NSMCE2: variants seen among roughly 807,000 people sequenced by gnomAD.
NSMCE2 encodes the protein NSE2 SUMO ligase component of SMC5/6 complex.
In NSMCE2, 24 loss-of-function variants were observed where a neutral mutation model predicts 23.8. The observed-to-expected ratio is 1.01, with a 90% CI of 0.73 to 1.42. The LOEUF (loss-of-function observed/expected upper bound fraction) is 1.42. Among genes scored for constraint, NSMCE2 ranks in the 40% most tolerant of loss-of-function variants. The pLI is 0.00. For missense variants in NSMCE2, 284 were observed against 296.5 expected, an observed-to-expected ratio of 0.96 and a Z score of 0.31; for synonymous variants, 92 against 94.1, an observed-to-expected ratio of 0.98 and a Z score of 0.13.
intron 5 of NSMCE2, among the ~76,000 whole-genome samples, chr8:125,257,942 A>G (rs1253950907): frequency 6.6e-6 from 1 of 152,190 alleles, no homozygotes; most frequent in Non-Finnish European, 1.5e-5. Flanking sequence ...GGAGCATGAG[A>G]GGGTGGTGGT....
intron 1 of NSMCE2, among the ~76,000 whole-genome samples, chr8:125,097,803 A>G (rs546077531): frequency 2.6e-5 from 4 of 152,296 alleles, no homozygotes; most frequent in African/African-American, 9.6e-5. Context: ...TATGAAATGT[A>G]TGATTTAAGT....
intron 5 of NSMCE2, among the ~76,000 whole-genome samples, chr8:125,221,028 T>C (rs1030508542): frequency 6.6e-6 from 1 of 152,202 alleles, no homozygotes; most frequent in African/African-American, 2.4e-5. Flanking sequence ...AGAGCTAGAA[T>C]ATAGGATACC....
In NSMCE2 at chr8:125,153,340, A is replaced by G. The variant is rs148318463; in HGVS notation, c.264+2063A>G. 7.0e-3 allele frequency among the ~76,000 whole-genome samples: 1,061 copies of G among 152,290 alleles called. 12 individuals carry two copies. Among genetic ancestry groups the G allele is most frequent in the Middle Eastern group, 0.017 (5 of 292 alleles). ...CTGTTCTTTTATAGGAAGAAAAAAC[A>G]TAGTTATTTTTCTTTTATGATACAA... On this transcript the variant is annotated intron_variant, in intron 4 of 7. Transcript: ENST00000287437.
chr8:125,094,487 C>T (rs771504931), intron 1 of NSMCE2: 7 of 152,252 alleles, frequency 4.6e-5, no homozygotes, highest in Non-Finnish European at 7.4e-5. Context: ...AGAGCATGAT[C>T]GTGTTTTCCT....
At chr8:125,262,838 T>C (rs1441144351) in intron 5 of NSMCE2, among the ~76,000 whole-genome samples, 1 of 152,214 alleles carries the variant, frequency 6.6e-6, no homozygotes, top group African/African-American at 2.4e-5. Flanking sequence ...ATGGTGGTTT[T>C]GAAAGAGCTT....
chr8:125,156,732 T>C (rs1303358661), intron 4 of NSMCE2, among the ~76,000 whole-genome samples: 1 of 152,202 alleles, frequency 6.6e-6, no homozygotes, highest in Non-Finnish European at 1.5e-5. Flanking sequence ...CAATCTTAGA[T>C]ATAATAAAGG....
chr8:125,271,676 G>A (rs1316408828), intron 5 of NSMCE2, among the ~76,000 whole-genome samples: 1 of 152,166 alleles, frequency 6.6e-6, no homozygotes, highest in Non-Finnish European at 1.5e-5. Flanking sequence ...TATGAATCAG[G>A]TTTCATAGGC....
chr8:125,100,901 C>T (rs1818155505), intron 1 of NSMCE2, among the ~76,000 whole-genome samples: 2 of 152,124 alleles, frequency 1.3e-5, no homozygotes, highest in Admixed American at 1.3e-4. Context: ...GTGCCTGGCT[C>T]ATGATAGGTT....
intron 6 of NSMCE2, 31 bp downstream of exon 6, chr8:125,357,350 A>C: frequency 7.3e-7 from 1 of 1,372,738 alleles, no homozygotes; most frequent in Non-Finnish European, 1.0e-6. Flanking sequence ...CCCTGAAAGA[A>C]ACACGATTCA....
chr8:125,207,510 TA>T (rs201306938), intron 5 of NSMCE2, among the ~76,000 whole-genome samples: 3,284 of 152,322 alleles, frequency 0.022, 128 homozygotes, highest in African/African-American at 0.075. Context: ...TCAGTGGCTG[TA>T]GTTCAAAACT....
chr8:125,293,025 G>C (rs912560950), intron 5 of NSMCE2, among the ~76,000 whole-genome samples: 8 of 152,204 alleles, frequency 5.3e-5, no homozygotes, highest in African/African-American at 1.9e-4. Flanking sequence ...CAGGGGGCCT[G>C]GTTTAGGTCT....
At chr8:125,130,118 C>T in intron 3 of NSMCE2, 1 of 341,760 alleles carries the variant, frequency 2.9e-6, no homozygotes, top group Non-Finnish European at 6.0e-6. Context: ...TCTTGTAATC[C>T]TGACAGTTTT....
intron 5 of NSMCE2, among the ~76,000 whole-genome samples, chr8:125,299,578 C>T (rs1316950738): frequency 1.3e-5 from 2 of 152,094 alleles, no homozygotes; most frequent in African/African-American, 4.8e-5. Context: ...AGGTCCCTCC[C>T]TCAACATGTG....
chr8:125,211,942 T>C lies in NSMCE2; in HGVS notation c.418+29686T>C, dbSNP rs572554359. ...TCCAGGAGAGTTCTAGTTTCTGATATTCTGTTCCATTGGCATGTACTTGTC... is the reference window on the plus strand; with the variant it reads ...TCCAGGAGAGTTCTAGTTTCTGATACTCTGTTCCATTGGCATGTACTTGTC... On this transcript the variant is annotated intron_variant, in intron 5 of 7. Transcript: ENST00000287437. Among the ~76,000 whole-genome samples the C allele has an allele frequency of 5.3e-5, 8 of 152,380 alleles. No individual in the cohort carries two copies. In the South Asian group the frequency reaches 1.2e-3, roughly 24 times the overall value.
intron 5 of NSMCE2, among the ~76,000 whole-genome samples, chr8:125,248,984 A>G (rs976630275): frequency 6.6e-6 from 1 of 152,220 alleles, no homozygotes; most frequent in African/African-American, 2.4e-5. Context: ...AGCCTGGCCA[A>G]CATGGTAAAA....
intron 1 of NSMCE2, among the ~76,000 whole-genome samples, chr8:125,099,859 A>G (rs1327770098): frequency 6.6e-6 from 1 of 152,120 alleles, no homozygotes; most frequent in African/African-American, 2.4e-5. Context: ...GTGGGAGGAA[A>G]GTCGGAGGAT....
intron 3 of NSMCE2, among the ~76,000 whole-genome samples, chr8:125,114,725 G>C (rs780877783): frequency 2.6e-5 from 4 of 152,204 alleles, no homozygotes; most frequent in Non-Finnish European, 5.9e-5. Context: ...GCTGTCATTA[G>C]TGCTGAGGCT....
intron 5 of NSMCE2, among the ~76,000 whole-genome samples, chr8:125,291,075 A>G (rs1182107158): frequency 1.3e-5 from 2 of 152,220 alleles, no homozygotes; most frequent in African/African-American, 4.8e-5. Context: ...AAACAAGCAA[A>G]TAAAAAGATG....
chr8:125,160,073 A>G (rs1033680487), intron 4 of NSMCE2, among the ~76,000 whole-genome samples: 3 of 152,180 alleles, frequency 2.0e-5, no homozygotes, highest in Non-Finnish European at 4.4e-5. Context: ...TAACGGTGAA[A>G]TAGTTTGACA....
Sources: allele counts gnomAD v4.1 joint callset (sites outside exome capture counted in the v4.1 genomes callset), GRCh38; gene constraint gnomAD v4.1.1; transcripts MANE v1.5; gene names NCBI Gene and HGNC (gene_info 2026-07-23, HGNC 2026-07-21).